Variants in KLF13 observed in about 807,000 individuals in gnomAD.
KLF13 encodes Krueppel-like factor 13.
In KLF13, 8 loss-of-function variants were observed where a neutral mutation model predicts 16.7. The ratio of observed to expected loss-of-function variants is 0.48; its 90% CI spans 0.28 to 0.87. KLF13 has a LOEUF of 0.87. Among genes scored for constraint, KLF13 ranks in the 40% least tolerant of loss-of-function variants. KLF13 has a pLI of 0.10. For missense variants in KLF13, 447 were observed against 452.2 expected (o/e 0.99, Z 0.10); for synonymous variants, 245 against 208.4 (o/e 1.18, Z -1.51).
chr15:31,345,821 C>T lies in KLF13; in HGVS notation c.577+18032C>T, dbSNP rs1289992137. ...AAGTCGTCAGATGCTGTGGGCCACA[C>T]GAGGTCATATTTGCACCGTCAGTTT... On this transcript the variant is annotated intron_variant, in intron 1 of 1. Coordinates refer to ENST00000307145, the MANE Select transcript of KLF13 (RefSeq NM_015995.4). 2.6e-5 allele frequency among the ~76,000 whole-genome samples: 4 copies of T among 152,308 alleles called. No homozygotes were observed. In the East Asian group the frequency reaches 5.8e-4, roughly 22 times the overall value.
chr15:31,401,915 G>A (rs562744450), intron 2 of KLF13, among the ~76,000 whole-genome samples: 3 of 152,320 alleles, frequency 2.0e-5, no homozygotes, highest in East Asian at 1.9e-4. Context: ...GGAGTGGCAC[G>A]CAAGCCTGCC....
Position 31,327,673 on chromosome 15 carries a change from G to T in KLF13, c.461G>T (p.Gly154Val). ...GGCCTCAGACAAAGGGTCCGGCGGG[G>T]CCGAAGTCGCGCCGACCTCGAGTCC... Reference protein sequence around the residue: ...EPGLRQRVRRGRSRADLESPQ... With the variant: ...EPGLRQRVRRVRSRADLESPQ... Residue 154 changes from glycine (G) to valine (V), a missense_variant, in exon 1 of 2, where the codon GGC (glycine) becomes GTC (valine). Transcript: ENST00000307145. 1 of 1,513,526 alleles carries T rather than the reference G, an allele frequency of 6.6e-7. No homozygotes were observed. Among genetic ancestry groups the T allele is most frequent in the Non-Finnish European group, 8.9e-7 (1 of 1,127,072 alleles). The allele number at this position is 1,513,526 out of a possible 1,614,324, so 93.8% of individuals were successfully genotyped here. A position where few individuals can be genotyped will look rare whatever the true frequency, so the allele number is the denominator to read the frequency against.
chr15:31,387,881 G>C (rs937397971), upstream of KLF13, among the ~76,000 whole-genome samples: 1 of 152,180 alleles, frequency 6.6e-6, no homozygotes, highest in African/African-American at 2.4e-5. Context: ...GCAGAGCTTT[G>C]TCCCATAATA....
chr15:31,412,078 G>A (rs2040202522), intron 1 of KLF13, among the ~76,000 whole-genome samples: 1 of 152,162 alleles, frequency 6.6e-6, no homozygotes, highest in Non-Finnish European at 1.5e-5. Context: ...TAAGAGGTGG[G>A]CCTTTGGGAG....
chr15:31,395,005 A>G (rs1412557325), intron 2 of KLF13, among the ~76,000 whole-genome samples: 1 of 151,884 alleles, frequency 6.6e-6, no homozygotes, highest in African/African-American at 2.4e-5. Context: ...TTTTAGAGGG[A>G]GTCTCCCTCT....
chr15:31,424,147 T>C (rs1395471430), intron 1 of KLF13, among the ~76,000 whole-genome samples: 1 of 151,946 alleles, frequency 6.6e-6, no homozygotes. Context: ...ACTGGAGAAT[T>C]CTACCAAACA....
At chr15:31,412,350 G>C (rs1353214113) in intron 1 of KLF13, among the ~76,000 whole-genome samples, 1 of 152,018 alleles carries the variant, frequency 6.6e-6, no homozygotes, top group Non-Finnish European at 1.5e-5. Flanking sequence ...AGCCTGAATG[G>C]GCTAAAACAC....
intron 1 of KLF13, among the ~76,000 whole-genome samples, chr15:31,423,384 C>T (rs374974599): frequency 4.6e-5 from 7 of 151,496 alleles, no homozygotes; most frequent in East Asian, 1.9e-4. Context: ...GTAATCCCAG[C>T]GCTTTGGGAG....
chr15:31,397,419 C>A (rs910319874), intron 2 of KLF13, among the ~76,000 whole-genome samples: 5 of 152,262 alleles, frequency 3.3e-5, no homozygotes, highest in Admixed American at 3.3e-4. Context: ...GTGGCGCCCT[C>A]TCCTCCTCAG....
chr15:31,360,205 A>G (rs1595471511), intron 1 of KLF13, among the ~76,000 whole-genome samples: 1 of 152,264 alleles, frequency 6.6e-6, no homozygotes, highest in Non-Finnish European at 1.5e-5. Flanking sequence ...CTAGGTTAGG[A>G]CAGGGAAGGG....
intron 1 of KLF13, among the ~76,000 whole-genome samples, chr15:31,337,010 G>T (rs1357598573): frequency 6.6e-6 from 1 of 152,242 alleles, no homozygotes; most frequent in African/African-American, 2.4e-5. Flanking sequence ...GCATTTGGCA[G>T]GCTCTCCATG....
intron 2 of KLF13, among the ~76,000 whole-genome samples, chr15:31,400,272 C>T (rs994954601): frequency 6.6e-6 from 1 of 152,172 alleles, no homozygotes; most frequent in African/African-American, 2.4e-5. Context: ...CCTTCATGTT[C>T]ATGCTTGTAT....
intron 2 of KLF13, among the ~76,000 whole-genome samples, chr15:31,397,204 G>C (rs2039963982): frequency 6.9e-6 from 1 of 145,264 alleles, no homozygotes; most frequent in Admixed American, 7.2e-5. Flanking sequence ...AGGCCAAGAG[G>C]GTGTCCAGGT....
In KLF13 at chr15:31,383,667, A is replaced by G. The variant is rs186221968; in HGVS notation, n.224-51703A>G. On this transcript the variant is annotated intron_variant and non_coding_transcript_variant, in intron 1 of 1. Coordinates refer to the KLF13 transcript ENST00000558921. ...TATAATCCCAGCACTTTGGGAGGCC[A>G]AGGCGGGCAGATCACGAGGTCAGGA... Among the ~76,000 whole-genome samples the G allele has an allele frequency of 2.9e-3, 434 of 152,244 alleles. 2 individuals carry two copies. The highest frequency in any genetic ancestry group is 8.5e-3 in the African/African-American group (354 of 41,544).
intron 1 of KLF13, among the ~76,000 whole-genome samples, chr15:31,336,567 T>C (rs1173905991): frequency 6.6e-6 from 1 of 152,194 alleles, no homozygotes; most frequent in Non-Finnish European, 1.5e-5. Flanking sequence ...ATTGTCTAAA[T>C]GCTCACTAAA....
chr15:31,349,320 G>A (rs1021988009), intron 1 of KLF13, among the ~76,000 whole-genome samples: 5 of 152,172 alleles, frequency 3.3e-5, no homozygotes, highest in Non-Finnish European at 5.9e-5. Context: ...CCCATGAGCC[G>A]CCACCTGTGC....
At chr15:31,427,833 G>C (rs1348062060) in intron 1 of KLF13, among the ~76,000 whole-genome samples, 2 of 151,980 alleles carry the variant, frequency 1.3e-5, no homozygotes, top group African/African-American at 4.8e-5. Context: ...AGAGAGAGAG[G>C]GGAAGTGCTA....
intron 1 of KLF13, among the ~76,000 whole-genome samples, chr15:31,433,393 C>T (rs1368448057): frequency 2.6e-5 from 4 of 152,096 alleles, no homozygotes; most frequent in Non-Finnish European, 5.9e-5. Context: ...CTGTGTTTTG[C>T]CAGCTCTCTC....
chr15:31,391,101 G>A (rs961973497), upstream of KLF13, among the ~76,000 whole-genome samples: 2 of 107,974 alleles, frequency 1.9e-5, no homozygotes, highest in African/African-American at 7.4e-5. Context: ...GGATAATGTG[G>A]GGGAGTGTGG....
Sources: gnomAD v4.1 joint callset for allele counts (sites outside exome capture counted in the v4.1 genomes callset) on GRCh38, gnomAD v4.1.1 for gene constraint, MANE v1.5 for transcripts, NCBI Gene and HGNC (gene_info 2026-07-23, HGNC 2026-07-21) for gene names.